Variants in ZBTB38 observed in about 807,000 individuals in gnomAD.
The protein encoded by ZBTB38 is zinc finger and BTB domain-containing protein 38.
In ZBTB38, 20 loss-of-function variants were observed where a neutral mutation model predicts 76.8. The ratio of observed to expected loss-of-function variants is 0.26; its 90% CI spans 0.18 to 0.38. ZBTB38 has a LOEUF of 0.38. ZBTB38 is among the 10% of genes least tolerant of loss of function. The pLI, the probability that ZBTB38 is intolerant of heterozygous loss-of-function variation, is 1.00. For synonymous variants in ZBTB38, 504 were observed against 544.2 expected (o/e 0.93, Z 1.03); for missense variants, 1,082 against 1,482.3 (o/e 0.73, Z 4.43).
chr3:141,327,989 T>C (rs1346632524), intron 1 of ZBTB38, among the ~76,000 whole-genome samples: 1 of 152,220 alleles, frequency 6.6e-6, no homozygotes, highest in Non-Finnish European at 1.5e-5. Flanking sequence ...TGGTGGCTGC[T>C]GCACCAAGAT....
At chr3:141,352,763 G>A (rs528592714) in intron 1 of ZBTB38, among the ~76,000 whole-genome samples, 5 of 151,952 alleles carry the variant, frequency 3.3e-5, no homozygotes, top group African/African-American at 4.8e-5. Flanking sequence ...CCAGATGAAG[G>A]AGTGGCCCCG....
chr3:141,338,710 G>T (rs530497375), intron 1 of ZBTB38, among the ~76,000 whole-genome samples: 1 of 152,184 alleles, frequency 6.6e-6, no homozygotes, highest in Admixed American at 6.5e-5. Context: ...TTGTTACTTG[G>T]GTGATGAAAT....
At chr3:141,348,245 T>A (rs1229121335) in intron 1 of ZBTB38, among the ~76,000 whole-genome samples, 5 of 152,240 alleles carry the variant, frequency 3.3e-5, no homozygotes, top group African/African-American at 1.2e-4. Flanking sequence ...ATGGAAATGA[T>A]AAATCATAAG....
rs368362950 is a variant in ZBTB38 at position 141,442,709 on chromosome 3, C to T, written c.321C>T (p.Leu107=). 1.1e-4 allele frequency: 170 copies of T among 1,613,972 alleles called. No homozygotes were observed. Among genetic ancestry groups the T allele is most frequent in the Non-Finnish European group, 1.4e-4 (162 of 1,180,028 alleles). The change falls in exon 6 of 6, where the codon CTC becomes CTT. Residue 107 remains leucine, a synonymous_variant. Transcript: ENST00000321464. The surrounding 1 kb of genome is among the most constrained non-coding windows in gnomAD (Gnocchi z 6.4). ...AGAGACAGGAAACAGTCACTGATCTCGCAGCTGCAGGAAAAAAGCTGGGAA... is the reference window on the plus strand; with the variant it reads ...AGAGACAGGAAACAGTCACTGATCTTGCAGCTGCAGGAAAAAAGCTGGGAA... ...VVKRQETVTD[L]AAAGKKLGIS...
chr3:141,416,955 T>C (rs1469105845), intron 5 of ZBTB38, among the ~76,000 whole-genome samples: 1 of 152,184 alleles, frequency 6.6e-6, no homozygotes, highest in Non-Finnish European at 1.5e-5. Flanking sequence ...AATGAATTTC[T>C]GTTGTTTTAA....
chr3:141,329,544 A>G (rs896163443), intron 1 of ZBTB38, among the ~76,000 whole-genome samples: 2 of 152,250 alleles, frequency 1.3e-5, no homozygotes, highest in African/African-American at 2.4e-5. Context: ...ATCAACGTAT[A>G]TAAGCACAAA....
intron 1 of ZBTB38, among the ~76,000 whole-genome samples, chr3:141,337,917 A>G (rs1347910963): frequency 6.6e-6 from 1 of 152,246 alleles, no homozygotes; most frequent in Non-Finnish European, 1.5e-5. Flanking sequence ...GATAATAATT[A>G]TCACTAATTT....
At chr3:141,360,853 T>C (rs1331975742) in intron 1 of ZBTB38, among the ~76,000 whole-genome samples, 1 of 152,162 alleles carries the variant, frequency 6.6e-6, no homozygotes, top group Non-Finnish European at 1.5e-5. Flanking sequence ...GCCAAACGTT[T>C]TCCAGGGGGC....
In ZBTB38 at chr3:141,435,663, G is replaced by A. The variant is rs528748615; in HGVS notation, c.1-6726G>A. Among the ~76,000 whole-genome samples, 42 of 152,056 alleles carry A rather than the reference G, an allele frequency of 2.8e-4. 1 individual carries two copies. In the South Asian group the frequency reaches 8.1e-3, roughly 29 times the overall value. Reference sequence around the variant, plus strand: ...TAATCCCAGCTACTTGGGAGGCTGAGGCAGAAGAATTGCTTGAACCCTGGA... The same window carrying A: ...TAATCCCAGCTACTTGGGAGGCTGAAGCAGAAGAATTGCTTGAACCCTGGA... On this transcript the variant is annotated intron_variant, in intron 5 of 5. Transcript: ENST00000321464.
In ZBTB38 at chr3:141,329,934, G is replaced by A. The variant is rs185680600; in HGVS notation, c.-739+5478G>A. On this transcript the variant is annotated intron_variant, in intron 1 of 7. Transcript: ENST00000509842. ...GCTTGAGCCCAAGAGTTCAAGACTAGCCTGGGCAACATAGTGAGACCTTGC... is the reference window on the plus strand; with the variant it reads ...GCTTGAGCCCAAGAGTTCAAGACTAACCTGGGCAACATAGTGAGACCTTGC... Among the ~76,000 whole-genome samples, 176 of 151,998 alleles carry A rather than the reference G, an allele frequency of 1.2e-3. 1 individual carries two copies. The highest frequency in any genetic ancestry group is 4.1e-3 in the African/African-American group (168 of 41,472).
Position 141,369,677 on chromosome 3 carries a change from T to C in ZBTB38, c.-309-195T>C, listed in dbSNP as rs145221732. On this transcript the variant is annotated intron_variant, in intron 1 of 5. Transcript: ENST00000321464. ...CAGGGGAGATCTGTTCTTCAGAAATTCTATGTTAAAATGACTGGGAGCGGG... is the reference window on the plus strand; with the variant it reads ...CAGGGGAGATCTGTTCTTCAGAAATCCTATGTTAAAATGACTGGGAGCGGG... Among the ~76,000 whole-genome samples, 489 of 152,320 alleles carry C rather than the reference T, an allele frequency of 3.2e-3. 3 individuals carry two copies. Among genetic ancestry groups the C allele is most frequent in the African/African-American group, 0.011 (445 of 41,570 alleles).
intron 1 of ZBTB38, among the ~76,000 whole-genome samples, chr3:141,339,418 G>A (rs1480383254): frequency 2.0e-5 from 3 of 152,176 alleles, no homozygotes; most frequent in African/African-American, 7.2e-5. Flanking sequence ...CTCCTATGTG[G>A]AGAAATGTTG....
At chr3:141,403,550 C>T (rs1009052854) in intron 4 of ZBTB38, among the ~76,000 whole-genome samples, 2 of 152,192 alleles carry the variant, frequency 1.3e-5, no homozygotes, top group Non-Finnish European at 2.9e-5. Flanking sequence ...TTTTGGTTTT[C>T]GGTTTATATA....
At chr3:141,339,985 G>A (rs1021275048) in intron 1 of ZBTB38, among the ~76,000 whole-genome samples, 1 of 152,206 alleles carries the variant, frequency 6.6e-6, no homozygotes. Flanking sequence ...TGTGCTTGGA[G>A]TATACCAGCA....
In ZBTB38 at chr3:141,376,298, C is replaced by T. The variant is rs770413902; in HGVS notation, c.-234-5127C>T. 3.9e-4 allele frequency among the ~76,000 whole-genome samples: 59 copies of T among 152,314 alleles called. 1 individual carries two copies. The highest frequency in any genetic ancestry group is 2.9e-3 in the Admixed American group (44 of 15,308). ...CATCTATGCTGATCCCCTGCAAAGG[C>T]ACCTGGTGACACACAAGAGCCAGAA... On this transcript the variant is annotated intron_variant, in intron 2 of 5. Coordinates refer to ENST00000321464, the MANE Select transcript of ZBTB38 (RefSeq NM_001376113.1).
chr3:141,401,639 A>T (rs73872712), intron 4 of ZBTB38, among the ~76,000 whole-genome samples: 11,313 of 150,460 alleles, frequency 0.075, 1,479 homozygotes, highest in African/African-American at 0.26. Context: ...AAAATTTAAG[A>T]ATAAGACTCT....
At chr3:141,426,875 T>A (rs1349074977) in intron 5 of ZBTB38, among the ~76,000 whole-genome samples, 3 of 152,176 alleles carry the variant, frequency 2.0e-5, no homozygotes, top group Non-Finnish European at 4.4e-5. Context: ...GTTCAGTGTT[T>A]TAACTTGTTT....
chr3:141,325,631 C>T (rs1053899333), intron 1 of ZBTB38, among the ~76,000 whole-genome samples: 4 of 152,198 alleles, frequency 2.6e-5, no homozygotes, highest in African/African-American at 9.6e-5. Context: ...AAAAACATCT[C>T]CAAGGCAAAT....
rs1391502026 is a variant in ZBTB38, at chr3:141,448,117, C to T, written c.*2141C>T. On this transcript the variant is annotated 3_prime_UTR_variant, in exon 6 of 6. Transcript: ENST00000321464. ...TAATAATATTAATCAAAGACATTTA[C>T]TGTATATTCTAGTCATTTTGATTTG... 6.6e-6 allele frequency: 1 copy of T among 152,558 alleles called. No individual in the cohort carries two copies. The highest frequency in any genetic ancestry group is 1.5e-5 in the Non-Finnish European group (1 of 68,014). The allele number at this position is 152,558 out of a possible 1,614,324, so 9.5% of individuals were successfully genotyped here.
Sources: gnomAD v4.1 joint callset for allele counts (sites outside exome capture counted in the v4.1 genomes callset) on GRCh38, gnomAD v4.1.1 for gene constraint, Gnocchi (gnomAD v3.1) non-coding constraint, MANE v1.5 for transcripts, NCBI Gene and HGNC (gene_info 2026-07-23, HGNC 2026-07-21) for gene names.